Variants in FBXL3 observed in about 807,000 individuals in gnomAD.
The protein encoded by FBXL3 is F-box/LRR-repeat protein 3.
FBXL3 carries 14 observed loss-of-function variants against 37.9 expected under a neutral mutation model. The observed-to-expected ratio is 0.37, with a 90% CI of 0.24 to 0.58. FBXL3 has a LOEUF of 0.58. Ranked by LOEUF, FBXL3 falls within the 20% of genes least tolerant of loss-of-function variation. The pLI is 0.74. For missense variants in FBXL3, 327 were observed against 511.1 expected, an observed-to-expected ratio of 0.64 and a Z score of 3.47; for synonymous variants, 194 against 180.1, an observed-to-expected ratio of 1.08 and a Z score of -0.62.
chr13:77,014,776 G>A (rs2034614597), intron 4 of FBXL3: 1 of 152,218 alleles, frequency 6.6e-6, no homozygotes, highest in Admixed American at 6.5e-5. Flanking sequence ...GTATAATACA[G>A]TAGTAGGGTT....
At chr13:77,026,723 G>GC (rs1381622986) in intron 1 of FBXL3, 104 bp downstream of exon 1, 290 of 12,326 alleles carry the variant, frequency 0.024, no homozygotes, top group Middle Eastern at 0.077. Flanking sequence ...CGGCCCCCGC[G>GC]CCCCCCCCCA....
At chr13:77,019,004 G>C (rs1257120636) in intron 2 of FBXL3, 3 of 248,540 alleles carry the variant, frequency 1.2e-5, no homozygotes, top group Non-Finnish European at 2.3e-5. Context: ...TATGATAAGA[G>C]ACATATTTAA....
Position 77,023,222 on chromosome 13 carries a change from C to T in FBXL3, c.-1-1361G>A, listed in dbSNP as rs546116242. Among the ~76,000 whole-genome samples, 120 of 152,278 alleles carry T rather than the reference C, an allele frequency of 7.9e-4. 1 individual carries two copies. The highest frequency in any genetic ancestry group is 1.7e-3 in the South Asian group (8 of 4,826). On this transcript the variant is annotated intron_variant, in intron 1 of 4. Transcript: ENST00000355619. The stretch of plus-strand genomic sequence containing the variant: ...TCACCCAGGCTGGAGTGCAGTGGCA[C>T]GATCATGGCTCACTGCAGCCTCGAC...
intron 2 of FBXL3, among the ~76,000 whole-genome samples, chr13:77,021,017 C>T (rs1335008222): frequency 6.6e-6 from 1 of 152,186 alleles, no homozygotes; most frequent in Non-Finnish European, 1.5e-5. Flanking sequence ...TTCCCTTTGG[C>T]ATTCTCCCAT....
At position 77,005,997 on chromosome 13, in the gene FBXL3, CAAT is replaced by C. The variant is rs990148546; in HGVS notation, c.*1145_*1147del. The C allele has an allele frequency of 4.5e-4, 68 of 152,660 alleles. No homozygotes were observed. The highest frequency in any genetic ancestry group is 1.6e-3 in the African/African-American group (66 of 41,558). The allele number at this position is 152,660 out of a possible 1,614,324, so 9.5% of individuals were successfully genotyped here. ...TAAAATATCGGTTTAACCAAATTAA[CAAT>C]CACAAAACTGCAGACATTTTTCTAT... On this transcript the variant is annotated 3_prime_UTR_variant, in exon 5 of 5. Transcript: ENST00000355619.
In FBXL3 at chr13:77,019,242, T is replaced by C. The variant is rs1248887760; in HGVS notation, c.349-520A>G. ...ATTAATGGAAAGATGTGAAGTAAAA[T>C]GAGTGTACTGGACCAGTCAGGCATG... On this transcript the variant is annotated intron_variant, in intron 2 of 4. Transcript: ENST00000355619. The C allele has an allele frequency of 2.0e-5, 3 of 152,234 alleles. No homozygotes were observed. In the East Asian group the frequency reaches 5.8e-4, roughly 29 times the overall value. The allele number at this position is 152,234 out of a possible 1,614,324, so 9.4% of individuals were successfully genotyped here. A position where few individuals can be genotyped will look rare whatever the true frequency, so the allele number is the denominator to read the frequency against.
chr13:77,027,060 GCTGT>G lies in FBXL3; in HGVS notation c.-239_-236del, dbSNP rs1045890162. 4 of 152,076 alleles carry G rather than the reference GCTGT, an allele frequency of 2.6e-5. No homozygotes were observed. The highest frequency in any genetic ancestry group is 7.2e-5 in the African/African-American group (3 of 41,520). 9.4% of individuals were successfully genotyped at this position (152,076 alleles called of 1,614,324 possible). ...AAGAAGCTTTCCTTCTCAGTCCCGC[GCTGT>G]CTGTGTTCAGGGATCCCCGGCGCCG... On this transcript the variant is annotated 5_prime_UTR_variant, in exon 1 of 5. Transcript: ENST00000355619.
intron 1 of FBXL3, among the ~76,000 whole-genome samples, chr13:77,022,801 T>C (rs1334845018): frequency 6.6e-6 from 1 of 152,164 alleles, no homozygotes; most frequent in African/African-American, 2.4e-5. Context: ...TGAAAGATAG[T>C]TTTTTCATGG....
chr13:77,015,718 C>T, intron 3 of FBXL3, 138 bp from the exon 4 acceptor site: 2 of 494,058 alleles, frequency 4.0e-6, no homozygotes, highest in Non-Finnish European at 6.6e-6. Flanking sequence ...GGCATCCCTT[C>T]ACTCTGTTGT....
intron 1 of FBXL3, among the ~76,000 whole-genome samples, 180 bp from the exon 2 acceptor site, chr13:77,022,041 A>G (rs945436406): frequency 1.3e-5 from 2 of 152,196 alleles, no homozygotes; most frequent in African/African-American, 4.8e-5. Context: ...AAGGCCAACA[A>G]TGGTTTTATA....
chr13:77,008,434 C>T (rs1347744214), intron 4 of FBXL3, among the ~76,000 whole-genome samples: 5 of 152,280 alleles, frequency 3.3e-5, no homozygotes, highest in African/African-American at 9.6e-5. Flanking sequence ...CTCTAACATA[C>T]CTAGAAAGCA....
At chr13:77,009,706 G>A (rs1214662327) in intron 4 of FBXL3, 1 of 152,094 alleles carries the variant, frequency 6.6e-6, no homozygotes, top group Non-Finnish European at 1.5e-5. Flanking sequence ...AATTCCTTAA[G>A]GATCTAGAAC....
chr13:77,026,026 T>C (rs2034832488), intron 1 of FBXL3: 1 of 347,756 alleles, frequency 2.9e-6, no homozygotes, highest in African/African-American at 2.2e-5. Context: ...AACTGATAGT[T>C]GATGGTATTT....
Position 77,007,477 on chromosome 13 carries a change from C to T in FBXL3, c.955G>A (p.Val319Ile), listed in dbSNP as rs1375531139. 6.2e-7 allele frequency: 1 copy of T among 1,614,034 alleles called. No individual in the cohort carries two copies. Among genetic ancestry groups the T allele is most frequent in the African/African-American group, 1.3e-5 (1 of 74,912 alleles). ...PATHLYFGRSVSKDVLGRVGM... is the reference protein window; with the variant it reads ...PATHLYFGRSISKDVLGRVGM... ...ACACGGCCAAGCACATCTTTGCTTACTGATCTCCCAAAGTACAGATGGGTG... is the reference window on the plus strand; with the variant it reads ...ACACGGCCAAGCACATCTTTGCTTATTGATCTCCCAAAGTACAGATGGGTG... Residue 319 changes from valine to isoleucine, a missense_variant, in exon 5 of 5, where the codon GTA (valine) becomes ATA (isoleucine). Val to Ile is a conservative substitution (Grantham distance 29). Coordinates refer to ENST00000355619, the MANE Select transcript of FBXL3 (RefSeq NM_012158.4).
At chr13:77,024,113 G>C (rs75695842) in intron 1 of FBXL3, among the ~76,000 whole-genome samples, 1,990 of 152,310 alleles carry the variant, frequency 0.013, 40 homozygotes, top group African/African-American at 0.043. Context: ...TGTGTGACTT[G>C]AGATTAGTTT....
At chr13:77,009,238 A>C (rs1234656128) in intron 4 of FBXL3, 2 of 152,238 alleles carry the variant, frequency 1.3e-5, no homozygotes, top group East Asian at 3.8e-4. Context: ...AGAAGAGATA[A>C]ACTGAATTAC....
In FBXL3 at chr13:77,018,958, A is replaced by G. The variant is rs373494275; in HGVS notation, c.349-236T>C. ...CTTTTCTAAGTCTCTCTGAAAAAGT[A>G]TAAGGGCAATTGTCAAGACAAGACC... On this transcript the variant is annotated intron_variant, in intron 2 of 4. Transcript: ENST00000355619. 16 of 337,184 alleles carry G rather than the reference A, an allele frequency of 4.7e-5. 1 individual carries two copies. Among genetic ancestry groups the G allele is most frequent in the Admixed American group, 9.1e-5 (2 of 21,998 alleles). 20.9% of individuals were successfully genotyped at this position (337,184 alleles called of 1,614,324 possible).
At chr13:77,026,749 GC>G (rs2034849768) in intron 1 of FBXL3, 77 bp downstream of exon 1, 1 of 9,046 alleles carries the variant, frequency 1.1e-4, no homozygotes, top group Non-Finnish European at 2.2e-4. Context: ...CCCCACCCCG[GC>G]CCGCCCACAG....
In FBXL3 at chr13:77,007,673, T is replaced by A; in HGVS notation, c.759A>T (p.Glu253Asp). ...ALSSEKHVRL[E>D]HLRIDVVSEN... ...CACTGACTACATCAATGCGCAAATG[T>A]TCTAATCGAACATGTTTTTCAGAAG... is the stretch of plus-strand genomic sequence containing the variant. The change falls in exon 5 of 5, where the codon GAA becomes GAT. Residue 253 changes from glutamate to aspartate, a missense_variant. Glu to Asp is a conservative substitution (Grantham distance 45). Coordinates refer to ENST00000355619, the MANE Select transcript of FBXL3 (RefSeq NM_012158.4). 6.2e-7 allele frequency: 1 copy of A among 1,614,174 alleles called. No homozygotes were observed. Among genetic ancestry groups the A allele is most frequent in the Non-Finnish European group, 8.5e-7 (1 of 1,180,042 alleles).
Sources: gnomAD v4.1 joint callset for allele counts (sites outside exome capture counted in the v4.1 genomes callset) on GRCh38, gnomAD v4.1.1 for gene constraint, MANE v1.5 for transcripts, NCBI Gene and HGNC (gene_info 2026-07-23, HGNC 2026-07-21) for gene names.